Variants in CLIP2 observed in about 807,000 individuals in gnomAD.
CLIP2 encodes CAP-Gly domain-containing linker protein 2.
Under a neutral mutation model 111.7 loss-of-function variants are expected in CLIP2, and 41 were observed. That is an observed-to-expected ratio of 0.37 (90% CI 0.29 to 0.48). The LOEUF is 0.48. Ranked by LOEUF, CLIP2 falls within the 20% of genes least tolerant of loss-of-function variation. The pLI, the probability that CLIP2 is intolerant of heterozygous loss-of-function variation, is 0.99. For missense variants in CLIP2, 1,160 were observed against 1,422.1 expected, an observed-to-expected ratio of 0.82 and a Z score of 2.96; for synonymous variants, 660 against 644.2, an observed-to-expected ratio of 1.02 and a Z score of -0.37.
In CLIP2 at chr7:74,404,816, G is replaced by A. The variant is rs770665546; in HGVS notation, c.*968G>A. 2 of 152,232 alleles carry A rather than the reference G, an allele frequency of 1.3e-5. No individual in the cohort carries two copies. The highest frequency in any genetic ancestry group is 1.3e-4 in the Admixed American group (2 of 15,270). The allele number at this position is 152,232 out of a possible 1,614,324, so 9.4% of individuals were successfully genotyped here. A position where few individuals can be genotyped will look rare whatever the true frequency, so the allele number is the denominator to read the frequency against. Reference sequence around the variant, plus strand: ...GTTCACACACACACAGAGGGACCACGTGTGCACGCATGACCGTGTGGGTGG... The same window carrying A: ...GTTCACACACACACAGAGGGACCACATGTGCACGCATGACCGTGTGGGTGG... On this transcript the variant is annotated 3_prime_UTR_variant, in exon 17 of 17. Coordinates refer to ENST00000223398, the MANE Select transcript of CLIP2 (RefSeq NM_003388.5).
At chr7:74,294,678 C>T (rs1554725851) in intron 1 of CLIP2, among the ~76,000 whole-genome samples, 1 of 152,198 alleles carries the variant, frequency 6.6e-6, no homozygotes, top group African/African-American at 2.4e-5. Context: ...TGCCCTAGCT[C>T]CTTTTGGGGG....
chr7:74,330,248 C>CTTTTTTTTTTTT (rs10635770), intron 2 of CLIP2, among the ~76,000 whole-genome samples: 4 of 136,466 alleles, frequency 2.9e-5, no homozygotes, highest in African/African-American at 2.7e-5. Flanking sequence ...TGTTTCTTTT[C>CTTTTTTTTTTTT]TTTTTTTTTT....
chr7:74,399,106 A>G (rs1791540041), intron 14 of CLIP2, among the ~76,000 whole-genome samples: 1 of 26,580 alleles, frequency 3.8e-5, no homozygotes, highest in Non-Finnish European at 8.8e-5. Flanking sequence ...AGCAGGCAGG[A>G]CTGGGCAGTG....
chr7:74,376,250 C>G lies in CLIP2; in HGVS notation c.1849C>G (p.Leu617Val). 6.2e-7 allele frequency: 1 copy of G among 1,612,244 alleles called. No homozygotes were observed. Among genetic ancestry groups the G allele is most frequent in the Non-Finnish European group, 8.5e-7 (1 of 1,179,186 alleles). Residue 617 changes from leucine (L) to valine (V), a missense_variant, in exon 10 of 17, where the codon CTG (leucine) becomes GTG (valine). Leu to Val is a conservative substitution (Grantham distance 32, BLOSUM62 1). Coordinates refer to ENST00000223398, the MANE Select transcript of CLIP2 (RefSeq NM_003388.5). This position sits in a 1 kb window ranked among gnomAD's most constrained non-coding sequence, Gnocchi z 7.1. ...GCTAATGGACAACTGGAAATCCAAG[C>G]TGGACTCGCTGGCCTCGGACCACCA... ...MGLMDNWKSK[L>V]DSLASDHQKS... is the part of the protein sequence containing the mutation.
At chr7:74,303,508 T>C (rs1269871059) in intron 1 of CLIP2, among the ~76,000 whole-genome samples, 1 of 151,796 alleles carries the variant, frequency 6.6e-6, no homozygotes, top group Non-Finnish European at 1.5e-5. Flanking sequence ...GCAGTGAGCA[T>C]TTTGGGGTCC....
At chr7:74,310,287 G>A (rs566758634) in intron 1 of CLIP2, among the ~76,000 whole-genome samples, 2 of 151,988 alleles carry the variant, frequency 1.3e-5, no homozygotes, top group Non-Finnish European at 2.9e-5. Context: ...CACTTTGGTA[G>A]GCTGAGGCAG....
At chr7:74,321,919 A>T (rs1554730079) in intron 2 of CLIP2, among the ~76,000 whole-genome samples, 1 of 151,580 alleles carries the variant, frequency 6.6e-6, no homozygotes, top group Non-Finnish European at 1.5e-5. Context: ...CATTCGTGTT[A>T]AGTGCCCCAG....
At chr7:74,359,304 CTTTT>C (rs781818730) in intron 6 of CLIP2, among the ~76,000 whole-genome samples, 1 of 120,350 alleles carries the variant, frequency 8.3e-6, no homozygotes, top group Non-Finnish European at 1.7e-5. Context: ...CTGCAGTAAA[CTTTT>C]TTTTTTTTTT....
chr7:74,392,523 CAAAA>C (rs1164643782), intron 13 of CLIP2, among the ~76,000 whole-genome samples: 1 of 151,134 alleles, frequency 6.6e-6, no homozygotes, highest in African/African-American at 2.4e-5. Context: ...GACCCTGTCT[CAAAA>C]AACAATAAGT....
intron 16 of CLIP2, chr7:74,401,798 G>A (rs1219976762): frequency 4.7e-6 from 3 of 644,178 alleles, no homozygotes; most frequent in East Asian, 3.0e-5. Context: ...GGGCGCAGTG[G>A]CCCACGCCTG....
chr7:74,293,361 T>C (rs189266076), intron 1 of CLIP2, among the ~76,000 whole-genome samples: 13 of 152,186 alleles, frequency 8.5e-5, no homozygotes, highest in Non-Finnish European at 1.5e-4. Flanking sequence ...TCAGCGCATC[T>C]GTCCCGTCTC....
chr7:74,334,255 GC>G lies in CLIP2; in HGVS notation c.122-4192del, dbSNP rs533411115. Reference sequence around the variant, plus strand: ...TTGATGAGCGTTTTGTCCCTGTGATGCGGGGGCAGCCGAGAGTCCCACTACT... The same window carrying G: ...TTGATGAGCGTTTTGTCCCTGTGATGGGGGGCAGCCGAGAGTCCCACTACT... On this transcript the variant is annotated intron_variant, in intron 2 of 16. Transcript: ENST00000223398. 5.3e-5 allele frequency among the ~76,000 whole-genome samples: 8 copies of G among 152,314 alleles called. No individual in the cohort carries two copies. The South Asian group carries it at 1.7e-3, about 32-fold the overall frequency.
intron 4 of CLIP2, 46 bp from the exon 5 acceptor site, chr7:74,356,364 G>A (rs1790143154): frequency 6.4e-7 from 1 of 1,554,824 alleles, no homozygotes; most frequent in Non-Finnish European, 8.9e-7. Flanking sequence ...AGGCTCTCCA[G>A]GCTTTGGGGC....
At chr7:74,314,513 A>G (rs1379241366) in intron 1 of CLIP2, among the ~76,000 whole-genome samples, 1 of 152,106 alleles carries the variant, frequency 6.6e-6, no homozygotes, top group Non-Finnish European at 1.5e-5. Context: ...TAATAACAAA[A>G]TGAGTGAAGA....
chr7:74,324,465 T>G (rs139435856), intron 2 of CLIP2, among the ~76,000 whole-genome samples: 80 of 152,288 alleles, frequency 5.3e-4, no homozygotes, highest in Middle Eastern at 3.4e-3. Flanking sequence ...CTAGTCACAT[T>G]GCCCGGTGGT....
At chr7:74,315,244 C>T (rs1420799918) in intron 1 of CLIP2, among the ~76,000 whole-genome samples, 3 of 152,052 alleles carry the variant, frequency 2.0e-5, no homozygotes, top group African/African-American at 7.2e-5. Flanking sequence ...TCACTGCGCT[C>T]TAGCCTGGGC....
rs148403100 is a variant in CLIP2, at chr7:74,363,918, GAGGAAGGA to G, written c.1320-323_1320-316del. Among the ~76,000 whole-genome samples the G allele has an allele frequency of 4.0e-5, 6 of 149,754 alleles. No homozygotes were observed. The East Asian group carries it at 8.2e-4, about 20-fold the overall frequency. On this transcript the variant is annotated intron_variant, in intron 7 of 16. Coordinates refer to ENST00000223398, the MANE Select transcript of CLIP2 (RefSeq NM_003388.5). ...CTCAAAAAAAAAAAAAAAAGGGAGG[GAGGAAGGA>G]AGGAAGGAAGGAAAGAAAGAAGGAA...
chr7:74,351,426 CAAAAAA>C (rs55952428), intron 3 of CLIP2, among the ~76,000 whole-genome samples: 3 of 65,938 alleles, frequency 4.5e-5, no homozygotes, highest in Admixed American at 1.7e-4. Context: ...ATTCCAGTGT[CAAAAAA>C]AAAAAAAAAA....
At chr7:74,354,832 T>A (rs1790103137) in intron 4 of CLIP2, among the ~76,000 whole-genome samples, 1 of 152,178 alleles carries the variant, frequency 6.6e-6, no homozygotes, top group Non-Finnish European at 1.5e-5. Context: ...CCCTGTCATC[T>A]GGCATTGGGG....
Sources: gnomAD v4.1 joint callset for allele counts (sites outside exome capture counted in the v4.1 genomes callset) on GRCh38, gnomAD v4.1.1 for gene constraint, Gnocchi (gnomAD v3.1) non-coding constraint, MANE v1.5 for transcripts, NCBI Gene and HGNC (gene_info 2026-07-23, HGNC 2026-07-21) for gene names.